The following FOSL2 variants were observed in gnomAD, a reference collection of about 807,000 sequenced individuals.
FOSL2 encodes the protein FOS like 2, AP-1 transcription factor subunit, also known as fos-related antigen 2.
A neutral mutation model predicts 27.7 loss-of-function variants in FOSL2; 3 were observed. That is an observed-to-expected ratio of 0.11 (90% CI 0.05 to 0.28). FOSL2 has a LOEUF of 0.28. FOSL2 is among the 10% of genes least tolerant of loss of function. The probability of loss-of-function intolerance (pLI) is 1.00; values close to 1 mark genes in which losing one functional copy is unlikely to be tolerated. For missense variants in FOSL2, 333 were observed against 445.1 expected (o/e 0.75, Z 2.27); for synonymous variants, 179 against 190.1 (o/e 0.94, Z 0.48).
intron 1 of FOSL2, chr2:28,396,919 G>A (rs1663856710): frequency 6.6e-6 from 1 of 151,776 alleles, no homozygotes. Flanking sequence ...AGAAATGACT[G>A]TGATTCCCAA....
chr2:28,396,805 C>CACACACACACACACACACACAA (rs1663848626), intron 1 of FOSL2: 11 of 149,010 alleles, frequency 7.4e-5, no homozygotes, highest in African/African-American at 2.8e-4. Flanking sequence ...CACACACACA[C>CACACACACACACACACACACAA]ACACACACAC....
At chr2:28,396,627 C>T (rs542610916) in intron 1 of FOSL2, among the ~76,000 whole-genome samples, 1 of 152,074 alleles carries the variant, frequency 6.6e-6, no homozygotes, top group East Asian at 1.9e-4. Flanking sequence ...CAGCTGGGCC[C>T]CCTTTTAATG....
At position 28,415,724 on chromosome 2, in the gene FOSL2, C is replaced by G. The variant is rs1239181295; in HGVS notation, c.*3276C>G. ...GATGTGCCAGGCACTGTGTTAGGCG[C>G]TTTTATATAGATCCTCGTTAGGATG... On this transcript the variant is annotated 3_prime_UTR_variant, in exon 4 of 4. Transcript: ENST00000264716. 1 of 152,216 alleles carries G rather than the reference C, an allele frequency of 6.6e-6. No homozygotes were observed. The highest frequency in any genetic ancestry group is 1.9e-4 in the East Asian group (1 of 5,192). 9.4% of individuals were successfully genotyped at this position (152,216 alleles called of 1,614,324 possible). A position where few individuals can be genotyped will look rare whatever the true frequency, so the allele number is the denominator to read the frequency against.
At chr2:28,399,731 C>T (rs139649098) in intron 1 of FOSL2, among the ~76,000 whole-genome samples, 118 of 152,290 alleles carry the variant, frequency 7.7e-4, no homozygotes, top group African/African-American at 2.7e-3. Flanking sequence ...CCTCTGTATT[C>T]GTTTCCCTCC....
chr2:28,412,894 A>C lies in FOSL2; in HGVS notation c.*446A>C. 6.1e-6 allele frequency: 1 copy of C among 163,868 alleles called. No individual in the cohort carries two copies. Among genetic ancestry groups the C allele is most frequent in the Non-Finnish European group, 1.3e-5 (1 of 76,724 alleles). The allele number at this position is 163,868 out of a possible 1,614,324, so 10.2% of individuals were successfully genotyped here. A position where few individuals can be genotyped will look rare whatever the true frequency, so the allele number is the denominator to read the frequency against. ...CCTTTCCTCCCCCAGCGTCAGTTTCACTCCCTCTTGGTTTTTATCAAATTT... is the reference window on the plus strand; with the variant it reads ...CCTTTCCTCCCCCAGCGTCAGTTTCCCTCCCTCTTGGTTTTTATCAAATTT... On this transcript the variant is annotated 3_prime_UTR_variant, in exon 4 of 4. Coordinates refer to ENST00000264716, the MANE Select transcript of FOSL2 (RefSeq NM_005253.4). The surrounding 1 kb of genome is among the most constrained non-coding windows in gnomAD (Gnocchi z 7.1).
intron 1 of FOSL2, among the ~76,000 whole-genome samples, chr2:28,400,810 C>T (rs954051656): frequency 2.0e-4 from 30 of 152,142 alleles, no homozygotes; most frequent in African/African-American, 6.5e-4. Context: ...ACTAGAGGGC[C>T]TCAGAGGGGC....
intron 2 of FOSL2, among the ~76,000 whole-genome samples, chr2:28,407,773 T>C (rs1664113687): frequency 6.6e-6 from 1 of 152,206 alleles, no homozygotes; most frequent in African/African-American, 2.4e-5. Context: ...CACAGCCGTC[T>C]CCTTGTGTCA....
intron 3 of FOSL2, 151 bp from the exon 4 acceptor site, chr2:28,411,779 G>A: frequency 5.4e-6 from 4 of 738,420 alleles, no homozygotes; most frequent in South Asian, 5.2e-5. Context: ...GAGCCTCCAG[G>A]TGACTGAGAG....
Position 28,412,273 on chromosome 2 carries a change from C to A in FOSL2, c.806C>A (p.Ser269Tyr). The change falls in exon 4 of 4, where the codon TCC (serine) becomes TAC (tyrosine). Residue 269 changes from serine to tyrosine, a missense_variant. Ser to Tyr is a moderately radical substitution (Grantham distance 144). Transcript: ENST00000264716. The surrounding 1 kb of genome is among the most constrained non-coding windows in gnomAD (Gnocchi z 7.1). ...CTGCACACCCCCATCGTGGTGACCT[C>A]CACACCTGCTGTCACTCCGGGCACC... ...EPLHTPIVVT[S>Y]TPAVTPGTSN... The A allele has an allele frequency of 6.2e-7, 1 of 1,614,100 alleles. No homozygotes were observed.
intron 2 of FOSL2, among the ~76,000 whole-genome samples, chr2:28,406,796 G>GGCCGTCCCCA (rs1271119555): frequency 6.6e-6 from 1 of 152,192 alleles, no homozygotes; most frequent in Non-Finnish European, 1.5e-5. Context: ...AGCTTACTCC[G>GGCCGTCCCCA]GCCGTCCCCA....
Position 28,392,868 on chromosome 2 carries a change from A to C in FOSL2, c.-853A>C. The C allele has an allele frequency of 1.4e-6, 1 of 715,340 alleles. No individual in the cohort carries two copies. The highest frequency in any genetic ancestry group is 2.0e-5 in the Admixed American group (1 of 49,914). 44.3% of individuals were successfully genotyped at this position (715,340 alleles called of 1,614,324 possible). On this transcript the variant is annotated 5_prime_UTR_variant, in exon 1 of 4. Transcript: ENST00000264716. ...TGAACTCGTGCCATTGTAGTGACTC[A>C]TCTCGGGCAGAGCGCTAGGGCTCCG...
Position 28,393,080 on chromosome 2 carries a change from A to G in FOSL2, c.-641A>G, listed in dbSNP as rs1663709558. 2.2e-6 allele frequency: 1 copy of G among 446,492 alleles called. No homozygotes were observed. The highest frequency in any genetic ancestry group is 4.0e-6 in the Non-Finnish European group (1 of 250,994). The allele number at this position is 446,492 out of a possible 1,614,324, so 27.7% of individuals were successfully genotyped here. On this transcript the variant is annotated 5_prime_UTR_variant, in exon 1 of 4. Transcript: ENST00000264716. This position sits in a 1 kb window ranked among gnomAD's most constrained non-coding sequence, Gnocchi z 4.6. Reference sequence around the variant, plus strand: ...CCGCGTCCCTCTCAGCGCCAGCTCTACTTGAGCCCCACGAGCCGCTGTCCC... The same window carrying G: ...CCGCGTCCCTCTCAGCGCCAGCTCTGCTTGAGCCCCACGAGCCGCTGTCCC...
intron 2 of FOSL2, among the ~76,000 whole-genome samples, chr2:28,406,044 C>CTTT (rs10525036): frequency 5.0e-4 from 20 of 39,676 alleles, no homozygotes; most frequent in African/African-American, 6.2e-4. Context: ...TCTCCATTCC[C>CTTT]TTTTTTTTTT....
intron 2 of FOSL2, among the ~76,000 whole-genome samples, chr2:28,405,851 C>T (rs569955524): frequency 3.9e-5 from 6 of 152,144 alleles, no homozygotes; most frequent in Non-Finnish European, 7.4e-5. Flanking sequence ...GTAAATATTG[C>T]AGTAGCCATG....
intron 2 of FOSL2, among the ~76,000 whole-genome samples, chr2:28,407,223 C>T (rs1038624236): frequency 7.2e-5 from 11 of 152,202 alleles, no homozygotes; most frequent in Non-Finnish European, 1.0e-4. Context: ...GCCCTGGTGG[C>T]CCTTTCAGTG....
rs1663701130 is a variant in FOSL2 at position 28,392,891 on chromosome 2, C to T, written c.-830C>T. ...TCATCTCGGGCAGAGCGCTAGGGCT[C>T]CGAGCGAACCAGCGAGCGAGCGAAC... On this transcript the variant is annotated 5_prime_UTR_variant, in exon 1 of 4. Transcript: ENST00000264716. 1 of 714,804 alleles carries T rather than the reference C, an allele frequency of 1.4e-6. No individual in the cohort carries two copies. The highest frequency in any genetic ancestry group is 2.6e-6 in the Non-Finnish European group (1 of 383,398). The allele number at this position is 714,804 out of a possible 1,614,324, so 44.3% of individuals were successfully genotyped here.
At chr2:28,401,573 T>C (rs1327695858) in intron 1 of FOSL2, among the ~76,000 whole-genome samples, 1 of 152,070 alleles carries the variant, frequency 6.6e-6, no homozygotes, top group African/African-American at 2.4e-5. Context: ...GCCCCTCCCA[T>C]CCAGCAGCTC....
At position 28,393,366 on chromosome 2, in the gene FOSL2, T is replaced by C; in HGVS notation, c.-355T>C. The stretch of plus-strand genomic sequence containing the variant: ...CTTTTTTTTAATTTCCAATTTTTGA[T>C]TGGGCCGTGGGTCCCCGCTGAGCTC... On this transcript the variant is annotated 5_prime_UTR_variant, in exon 1 of 4. Coordinates refer to ENST00000264716, the MANE Select transcript of FOSL2 (RefSeq NM_005253.4). This position sits in a 1 kb window ranked among gnomAD's most constrained non-coding sequence, Gnocchi z 4.6. The C allele has an allele frequency of 4.0e-6, 1 of 252,474 alleles. No individual in the cohort carries two copies. The highest frequency in any genetic ancestry group is 7.5e-5 in the South Asian group (1 of 13,248). 15.6% of individuals were successfully genotyped at this position (252,474 alleles called of 1,614,324 possible).
Position 28,413,730 on chromosome 2 carries a change from T to C in FOSL2, c.*1282T>C, listed in dbSNP as rs1314669870. On this transcript the variant is annotated 3_prime_UTR_variant, in exon 4 of 4. Transcript: ENST00000264716. ...CACCTGCTGGATCAAGTGCTTTCTC[T>C]TTTACACTCCCCTGTCCCCACCCCA... is the stretch of plus-strand genomic sequence containing the variant. 6 of 399,012 alleles carry C rather than the reference T, an allele frequency of 1.5e-5. No individual in the cohort carries two copies. The highest frequency in any genetic ancestry group is 2.6e-5 in the Non-Finnish European group (6 of 226,450). 24.7% of individuals were successfully genotyped at this position (399,012 alleles called of 1,614,324 possible).
Sources: allele counts gnomAD v4.1 joint callset (sites outside exome capture counted in the v4.1 genomes callset), GRCh38; gene constraint gnomAD v4.1.1; non-coding constraint Gnocchi (gnomAD v3.1); transcripts MANE v1.5; gene names NCBI Gene and HGNC (gene_info 2026-07-23, HGNC 2026-07-21).